EIF2AK3: variants seen among roughly 807,000 people sequenced by gnomAD.
The protein encoded by EIF2AK3 is eukaryotic translation initiation factor 2-alpha kinase 3.
EIF2AK3 carries 50 observed loss-of-function variants against 113.5 expected under a neutral mutation model. That is an observed-to-expected ratio of 0.44 (90% CI 0.35 to 0.56). EIF2AK3 has a LOEUF of 0.56. Ranked by LOEUF, EIF2AK3 falls within the 20% of genes least tolerant of loss-of-function variation. The pLI is 0.00. For missense variants in EIF2AK3, 1,185 were observed against 1,378.0 expected (o/e 0.86, Z 2.22); for synonymous variants, 448 against 495.4 (o/e 0.90, Z 1.27).
At chr2:88,584,071 A>T (rs1277372372) in intron 9 of EIF2AK3, among the ~76,000 whole-genome samples, 1 of 152,178 alleles carries the variant, frequency 6.6e-6, no homozygotes, top group Non-Finnish European at 1.5e-5. Context: ...GATGTTAATA[A>T]TTATCATGGT....
At chr2:88,610,362 G>A (rs1675425749) in intron 2 of EIF2AK3, among the ~76,000 whole-genome samples, 1 of 152,188 alleles carries the variant, frequency 6.6e-6, no homozygotes, top group Non-Finnish European at 1.5e-5. Flanking sequence ...ATGGATGTTA[G>A]TGTTCAGAGT....
chr2:88,606,362 C>A (rs926292798), intron 2 of EIF2AK3, among the ~76,000 whole-genome samples: 1 of 151,866 alleles, frequency 6.6e-6, no homozygotes, highest in African/African-American at 2.4e-5. Context: ...TGGTGACATG[C>A]AATGCTGGGA....
chr2:88,617,816 A>G (rs1180230003), intron 1 of EIF2AK3, among the ~76,000 whole-genome samples: 3 of 152,092 alleles, frequency 2.0e-5, no homozygotes, highest in African/African-American at 7.2e-5. Flanking sequence ...GTAATATACT[A>G]TGTAACAAAT....
rs529091200 is a variant in EIF2AK3 at position 88,595,871 on chromosome 2, A to G, written c.439-208T>C. 8.9e-5 allele frequency: 58 copies of G among 652,794 alleles called. No individual in the cohort carries two copies. In the African/African-American group the frequency reaches 9.2e-4, roughly 10 times the overall value. 40.4% of individuals were successfully genotyped at this position (652,794 alleles called of 1,614,324 possible). On this transcript the variant is annotated intron_variant, in intron 2 of 16. Coordinates refer to ENST00000303236, the MANE Select transcript of EIF2AK3 (RefSeq NM_004836.7). The stretch of plus-strand genomic sequence containing the variant: ...CCAAAAGTAATTTAAAAGAACTGCC[A>G]ATCACTCCCAGGCCCTACACATAGT...
Position 88,593,254 on chromosome 2 carries a change from C to A in EIF2AK3, c.767+18G>T. ...TATTTCTAAATAATACCAACAGCAA[C>A]ATTATCTGAATACACACTTCTCATT... is the stretch of plus-strand genomic sequence containing the variant. On this transcript the variant is annotated intron_variant, in intron 4 of 16. Transcript: ENST00000303236. 1 of 1,613,850 alleles carries A rather than the reference C, an allele frequency of 6.2e-7. No homozygotes were observed. Among genetic ancestry groups the A allele is most frequent in the Non-Finnish European group, 8.5e-7 (1 of 1,179,856 alleles).
intron 3 of EIF2AK3, 139 bp from the exon 4 acceptor site, chr2:88,593,544 C>T (rs1029670988): frequency 2.0e-6 from 2 of 1,003,956 alleles, no homozygotes; most frequent in South Asian, 1.5e-5. Context: ...TCATAAGAAG[C>T]ATCAGTTAGA....
At chr2:88,621,973 A>G (rs1237622533) in intron 1 of EIF2AK3, among the ~76,000 whole-genome samples, 1 of 147,376 alleles carries the variant, frequency 6.8e-6, no homozygotes, top group Non-Finnish European at 1.5e-5. Flanking sequence ...CTTGGTTCAC[A>G]GCAAACTCTG....
chr2:88,579,589 T>G lies in EIF2AK3; in HGVS notation c.1815A>C (p.Gly605=). The change falls in exon 11 of 17, where the codon GGA becomes GGC. Residue 605 remains glycine (G), a synonymous_variant. Transcript: ENST00000303236. ...CTTTGTTTTTAGCTTCAAAAACAAC[T>G]CCAAAGCCACCACGTCCCAGGCATT... ...PIQCLGRGGF[G]VVFEAKNKVD... is the part of the protein sequence containing the mutation. The G allele has an allele frequency of 6.2e-7, 1 of 1,613,774 alleles. No individual in the cohort carries two copies.
At chr2:88,596,402 A>C (rs2104447126) in intron 2 of EIF2AK3, among the ~76,000 whole-genome samples, 1 of 152,266 alleles carries the variant, frequency 6.6e-6, no homozygotes, top group South Asian at 2.1e-4. Context: ...TGAAGGTTAA[A>C]CTCTGGTGTC....
intron 3 of EIF2AK3, chr2:88,594,005 G>T: frequency 1.1e-6 from 1 of 950,320 alleles, no homozygotes; most frequent in Non-Finnish European, 1.3e-6. Context: ...GACTACCGAA[G>T]TAAACAGAGA....
chr2:88,587,842 G>T, intron 8 of EIF2AK3, 140 bp downstream of exon 8: 1 of 577,178 alleles, frequency 1.7e-6, no homozygotes, highest in Non-Finnish European at 2.8e-6. Flanking sequence ...TAACTTTGGA[G>T]CTTGTATGCT....
At chr2:88,603,991 CT>C (rs1480761110) in intron 2 of EIF2AK3, among the ~76,000 whole-genome samples, 3 of 152,140 alleles carry the variant, frequency 2.0e-5, no homozygotes, top group African/African-American at 7.2e-5. Context: ...CGTTAAACAT[CT>C]TTTGAATCTG....
intron 3 of EIF2AK3, chr2:88,593,990 G>A (rs577167443): frequency 4.1e-6 from 4 of 976,602 alleles, no homozygotes; most frequent in African/African-American, 3.5e-5. Flanking sequence ...GTTGTTTACA[G>A]ATGAGACTAC....
intron 13 of EIF2AK3, among the ~76,000 whole-genome samples, chr2:88,572,349 T>G (rs1558646913): frequency 6.6e-6 from 1 of 152,238 alleles, no homozygotes; most frequent in Non-Finnish European, 1.5e-5. Flanking sequence ...TGACTTTACT[T>G]TGGGAACTTC....
chr2:88,575,254 G>A lies in EIF2AK3; in HGVS notation c.2229C>T (p.Phe743=), dbSNP rs1273819205. The change falls in exon 13 of 17, where the codon TTC becomes TTT. Residue 743 remains phenylalanine (F), a synonymous_variant. Coordinates refer to ENST00000303236, the MANE Select transcript of EIF2AK3 (RefSeq NM_004836.7). ...SSESQFSPLE[F]SGMDHEDISE... The stretch of plus-strand genomic sequence containing the variant: ...TGATGTCCTCATGGTCCATTCCTGA[G>A]AATTCCAGTGGTGAGAACTGGCTCT... 1.2e-6 allele frequency: 2 copies of A among 1,613,964 alleles called. No homozygotes were observed. Among genetic ancestry groups the A allele is most frequent in the Non-Finnish European group, 1.7e-6 (2 of 1,179,888 alleles).
Position 88,613,887 on chromosome 2 carries a change from G to T in EIF2AK3, c.309-34C>A, listed in dbSNP as rs1428878097. 5.1e-6 allele frequency: 8 copies of T among 1,563,254 alleles called. No homozygotes were observed. In the East Asian group the frequency reaches 1.9e-4, roughly 38 times the overall value. ...ATTAAAAATATTTTTAAAATTAACAGATATCTAAGATATTGGGCACTTATC... is the reference window on the plus strand; with the variant it reads ...ATTAAAAATATTTTTAAAATTAACATATATCTAAGATATTGGGCACTTATC... On this transcript the variant is annotated intron_variant, in intron 1 of 16. Transcript: ENST00000303236.
intron 1 of EIF2AK3, among the ~76,000 whole-genome samples, chr2:88,626,380 C>G (rs1675859083): frequency 6.6e-6 from 1 of 152,162 alleles, no homozygotes; most frequent in African/African-American, 2.4e-5. Context: ...AGATGCCAGG[C>G]TCTTACCCAG....
intron 1 of EIF2AK3, among the ~76,000 whole-genome samples, chr2:88,616,231 A>T (rs1447500353): frequency 6.6e-6 from 1 of 152,136 alleles, no homozygotes; most frequent in Non-Finnish European, 1.5e-5. Context: ...CTGCAGACAT[A>T]CATACCTAAC....
At chr2:88,627,693 T>A, upstream of EIF2AK3, 1 of 169,460 alleles carries the variant, frequency 5.9e-6, no homozygotes, top group East Asian at 1.7e-4. Context: ...TTTTACCTGA[T>A]TGGTGCGCTC....
Sources: allele counts gnomAD v4.1 joint callset (sites outside exome capture counted in the v4.1 genomes callset), GRCh38; gene constraint gnomAD v4.1.1; transcripts MANE v1.5; gene names NCBI Gene and HGNC (gene_info 2026-07-23, HGNC 2026-07-21).